Variants in CADPS2 observed in about 807,000 individuals in gnomAD.
CADPS2 encodes calcium-dependent secretion activator 2.
A neutral mutation model predicts 172.5 loss-of-function variants in CADPS2; 93 were observed. The observed-to-expected ratio is 0.54, with a 90% CI of 0.46 to 0.64. The LOEUF (loss-of-function observed/expected upper bound fraction) is 0.64. Among genes scored for constraint, CADPS2 ranks in the 30% least tolerant of loss-of-function variants. The probability of loss-of-function intolerance (pLI) is 0.00; values close to 1 mark genes in which losing one functional copy is unlikely to be tolerated. For synonymous variants in CADPS2, 546 were observed against 555.2 expected (o/e 0.98, Z 0.23); for missense variants, 1,420 against 1,565.9 (o/e 0.91, Z 1.57).
At chr7:122,635,258 T>C (rs545202768) in intron 3 of CADPS2, among the ~76,000 whole-genome samples, 19 of 149,554 alleles carry the variant, frequency 1.3e-4, no homozygotes, top group Middle Eastern at 3.5e-3. Flanking sequence ...CTCTGACTAT[T>C]AATGTGTGGC....
chr7:122,639,233 T>C (rs2077361786), intron 3 of CADPS2, among the ~76,000 whole-genome samples: 1 of 152,312 alleles, frequency 6.6e-6, no homozygotes, highest in South Asian at 2.1e-4. Context: ...AGAATCTTAG[T>C]TTAATGTTGC....
intron 17 of CADPS2, among the ~76,000 whole-genome samples, chr7:122,417,703 T>C (rs1011506224): frequency 6.6e-6 from 1 of 152,182 alleles, no homozygotes; most frequent in Non-Finnish European, 1.5e-5. Flanking sequence ...TAGGAAAAGT[T>C]TGGAAGCAAC....
intron 9 of CADPS2, among the ~76,000 whole-genome samples, chr7:122,494,360 T>C (rs913110145): frequency 2.6e-5 from 4 of 152,216 alleles, no homozygotes; most frequent in Non-Finnish European, 5.9e-5. Context: ...TTCACTGCAG[T>C]ATTGCATATA....
chr7:122,816,785 T>C (rs1193062102), intron 1 of CADPS2, among the ~76,000 whole-genome samples: 1 of 152,226 alleles, frequency 6.6e-6, no homozygotes, highest in African/African-American at 2.4e-5. Flanking sequence ...TGCACGTATA[T>C]GCCCAGATGG....
chr7:122,582,637 T>C (rs1482414201), intron 6 of CADPS2, among the ~76,000 whole-genome samples: 1 of 151,956 alleles, frequency 6.6e-6, no homozygotes, highest in Non-Finnish European at 1.5e-5. Context: ...AAAGAAAAAT[T>C]CTCAGTTTAG....
At chr7:122,826,662 C>T (rs1193632009) in intron 1 of CADPS2, among the ~76,000 whole-genome samples, 1 of 151,588 alleles carries the variant, frequency 6.6e-6, no homozygotes, top group Non-Finnish European at 1.5e-5. Flanking sequence ...ATGCAGTATA[C>T]AATAATCAAA....
At chr7:122,781,327 G>C (rs1350476444) in intron 1 of CADPS2, among the ~76,000 whole-genome samples, 1 of 152,030 alleles carries the variant, frequency 6.6e-6, no homozygotes, top group Non-Finnish European at 1.5e-5. Flanking sequence ...GATTATTATT[G>C]TCTTAGCCTA....
chr7:122,590,703 AT>A (rs2070658211), intron 6 of CADPS2, among the ~76,000 whole-genome samples: 1 of 152,038 alleles, frequency 6.6e-6, no homozygotes. Context: ...AGATTGATTC[AT>A]AAAAAAATTT....
chr7:122,847,481 C>T (rs1204714553), intron 1 of CADPS2, among the ~76,000 whole-genome samples: 3 of 152,140 alleles, frequency 2.0e-5, no homozygotes, highest in African/African-American at 7.2e-5. Flanking sequence ...TTACTTTCTT[C>T]AATAATTATG....
intron 5 of CADPS2, among the ~76,000 whole-genome samples, chr7:122,618,753 C>T (rs2075254676): frequency 6.6e-6 from 1 of 152,134 alleles, no homozygotes; most frequent in African/African-American, 2.4e-5. Context: ...GATAATTATT[C>T]AGTTTAGCTT....
rs1374821963 is a variant in CADPS2 at position 122,645,342 on chromosome 7, T to C, written c.787-16014A>G. Among the ~76,000 whole-genome samples the C allele has an allele frequency of 5.0e-4, 56 of 112,646 alleles. 4 individuals carry two copies. The highest frequency in any genetic ancestry group is 1.5e-3 in the African/African-American group (52 of 34,794). 73.9% of individuals were successfully genotyped at this position (112,646 alleles called of 152,430 possible). A position where few individuals can be genotyped will look rare whatever the true frequency, so the allele number is the denominator to read the frequency against. Reference sequence around the variant, plus strand: ...ATACATGTACATATATACACACATGTACATGTGTGTGTATACATGTACATG... The same window carrying C: ...ATACATGTACATATATACACACATGCACATGTGTGTGTATACATGTACATG... On this transcript the variant is annotated intron_variant, in intron 3 of 29. Transcript: ENST00000449022.
intron 1 of CADPS2, among the ~76,000 whole-genome samples, chr7:122,822,639 T>C (rs34027824): frequency 0.16 from 21,128 of 133,696 alleles, 2,115 homozygotes; most frequent in Middle Eastern, 0.27. Context: ...TGAAGAATCA[T>C]AAAAGAAGTG....
At chr7:122,423,656 T>C (rs996273058) in intron 17 of CADPS2, among the ~76,000 whole-genome samples, 5 of 152,228 alleles carry the variant, frequency 3.3e-5, no homozygotes, top group Non-Finnish European at 5.9e-5. Flanking sequence ...TGTTGGACTA[T>C]GTACTGCTTT....
At chr7:122,638,744 T>C (rs1206107664) in intron 3 of CADPS2, among the ~76,000 whole-genome samples, 2 of 152,214 alleles carry the variant, frequency 1.3e-5, no homozygotes, top group African/African-American at 2.4e-5. Flanking sequence ...TACTCACTAA[T>C]TCTATCCCTG....
chr7:122,720,607 C>T (rs189348722), intron 2 of CADPS2, among the ~76,000 whole-genome samples: 95 of 150,992 alleles, frequency 6.3e-4, no homozygotes, highest in Admixed American at 9.9e-4. Context: ...TACATATATA[C>T]GTATACATAC....
At chr7:122,566,511 A>G (rs749584926) in intron 7 of CADPS2, among the ~76,000 whole-genome samples, 16 of 152,170 alleles carry the variant, frequency 1.1e-4, no homozygotes, top group Non-Finnish European at 2.1e-4. Flanking sequence ...ATATGAAATC[A>G]ACCTAAATGT....
intron 2 of CADPS2, among the ~76,000 whole-genome samples, chr7:122,729,831 T>G (rs2091478251): frequency 6.6e-6 from 1 of 151,576 alleles, no homozygotes; most frequent in Admixed American, 6.6e-5. Flanking sequence ...AGAACCTAAA[T>G]CACAGAGGTA....
intron 7 of CADPS2, among the ~76,000 whole-genome samples, chr7:122,580,645 T>C (rs1303991180): frequency 4.6e-5 from 7 of 152,042 alleles, no homozygotes; most frequent in Admixed American, 1.3e-4. Context: ...GGTAAACATA[T>C]ATATATTCTA....
At chr7:122,705,194 G>A (rs1369334802) in intron 2 of CADPS2, among the ~76,000 whole-genome samples, 1 of 151,666 alleles carries the variant, frequency 6.6e-6, no homozygotes, top group Non-Finnish European at 1.5e-5. Flanking sequence ...TAAGTATCAT[G>A]ACAAATTGCA....
Sources: allele counts gnomAD v4.1 joint callset (sites outside exome capture counted in the v4.1 genomes callset), GRCh38; gene constraint gnomAD v4.1.1; transcripts MANE v1.5; gene names NCBI Gene and HGNC (gene_info 2026-07-23, HGNC 2026-07-21).